Variants in C10orf143 observed in about 807,000 individuals in gnomAD.
C10orf143 encodes the protein chromosome 10 open reading frame 143.
intron 3 of C10orf143, among the ~76,000 whole-genome samples, chr10:130,070,355 C>T (rs1185623047): frequency 6.6e-5 from 10 of 152,164 alleles, no homozygotes; most frequent in South Asian, 2.1e-4. Flanking sequence ...TCCACATGCA[C>T]GTCACAGTGC....
intron 3 of C10orf143, among the ~76,000 whole-genome samples, chr10:130,047,502 C>T (rs946716507): frequency 4.6e-5 from 7 of 152,284 alleles, no homozygotes; most frequent in African/African-American, 1.7e-4. Flanking sequence ...CCTGATGATG[C>T]CCACAGCTCT....
At chr10:130,081,193 C>T (rs577544641) in intron 1 of C10orf143, among the ~76,000 whole-genome samples, 1 of 151,798 alleles carries the variant, frequency 6.6e-6, no homozygotes, top group African/African-American at 2.4e-5. Flanking sequence ...GAGCAGATCA[C>T]ATAGAACATA....
At chr10:130,063,270 A>G (rs538206147), downstream of C10orf143, among the ~76,000 whole-genome samples, 1 of 152,356 alleles carries the variant, frequency 6.6e-6, no homozygotes, top group African/African-American at 2.4e-5. Flanking sequence ...ACAAAAAAGA[A>G]CATGCTGTCC....
downstream of C10orf143, among the ~76,000 whole-genome samples, chr10:130,060,739 T>C (rs1235189310): frequency 1.4e-5 from 2 of 138,796 alleles, no homozygotes; most frequent in Non-Finnish European, 3.0e-5. Context: ...AGGAGAATGG[T>C]GTGAACCTGG....
At chr10:130,108,458 T>A in intron 1 of C10orf143, 1 of 785,852 alleles carries the variant, frequency 1.3e-6, no homozygotes, top group Non-Finnish European at 2.3e-6. Context: ...TACCTGGCAA[T>A]ATTTTTGCTC....
chr10:130,047,048 G>T (rs116664895), intron 3 of C10orf143, among the ~76,000 whole-genome samples: 73 of 152,380 alleles, frequency 4.8e-4, no homozygotes, highest in African/African-American at 1.7e-3. Context: ...TGGAAGAGAT[G>T]TGTCTCGCAT....
At position 130,055,573 on chromosome 10, in the gene C10orf143, A is replaced by G. The variant is rs542406785; in HGVS notation, c.298-19603T>C. 5.3e-5 allele frequency among the ~76,000 whole-genome samples: 8 copies of G among 152,332 alleles called. No homozygotes were observed. The South Asian group carries it at 1.7e-3, about 32-fold the overall frequency. On this transcript the variant is annotated intron_variant and NMD_transcript_variant, in intron 3 of 5. Coordinates refer to the C10orf143 transcript ENST00000643056. ...CTTCCACTGATTTAAACTCATTTTTAAAAAGTTTGTCAAGAATGTTTGAAA... is the reference window on the plus strand; with the variant it reads ...CTTCCACTGATTTAAACTCATTTTTGAAAAGTTTGTCAAGAATGTTTGAAA...
At chr10:130,106,276 G>A (rs1861645475) in intron 1 of C10orf143, 5 of 1,569,368 alleles carry the variant, frequency 3.2e-6, no homozygotes, top group Non-Finnish European at 4.4e-6. Context: ...GAGAGAAAAA[G>A]CTTGCTATAA....
At chr10:130,045,269 C>T (rs1860653634) in intron 3 of C10orf143, among the ~76,000 whole-genome samples, 1 of 152,262 alleles carries the variant, frequency 6.6e-6, no homozygotes. Context: ...GCATTGCGCC[C>T]TCTGCCTGCA....
chr10:130,042,996 C>A (rs915464210), intron 3 of C10orf143, among the ~76,000 whole-genome samples: 3 of 152,206 alleles, frequency 2.0e-5, no homozygotes, highest in Non-Finnish European at 4.4e-5. Context: ...GGAAAAAACT[C>A]GGAGACAGTG....
At chr10:130,041,301 C>T (rs140216049) in intron 3 of C10orf143, among the ~76,000 whole-genome samples, 2 of 152,192 alleles carry the variant, frequency 1.3e-5, no homozygotes, top group East Asian at 3.9e-4. Flanking sequence ...TGAGTCCCCT[C>T]CGAAGGTCAG....
At chr10:130,107,916 G>T in intron 1 of C10orf143, 1 of 1,370,072 alleles carries the variant, frequency 7.3e-7, no homozygotes, top group Non-Finnish European at 1.0e-6. Context: ...AGGCAAGACA[G>T]ATTTTATTCT....
At chr10:130,088,342 C>T (rs1292767618) in intron 1 of C10orf143, among the ~76,000 whole-genome samples, 1 of 152,128 alleles carries the variant, frequency 6.6e-6, no homozygotes, top group Admixed American at 6.5e-5. Flanking sequence ...CAGGATCGCG[C>T]CATTGCACTC....
chr10:130,070,518 G>C (rs1306772476), intron 3 of C10orf143, among the ~76,000 whole-genome samples: 2 of 152,122 alleles, frequency 1.3e-5, no homozygotes, highest in Admixed American at 1.3e-4. Flanking sequence ...ATGTCCTCCA[G>C]TGTCATGATG....
chr10:130,058,627 GA>G (rs1200946031), intron 3 of C10orf143, among the ~76,000 whole-genome samples: 1 of 145,316 alleles, frequency 6.9e-6, no homozygotes, highest in Non-Finnish European at 1.5e-5. Context: ...GTTACACATA[GA>G]AACAGTAATT....
At chr10:130,074,197 G>T (rs997198996) in intron 3 of C10orf143, among the ~76,000 whole-genome samples, 1 of 152,172 alleles carries the variant, frequency 6.6e-6, no homozygotes, top group Non-Finnish European at 1.5e-5. Flanking sequence ...GAGTGCTCAG[G>T]CCCCTGCCTC....
intron 1 of C10orf143, among the ~76,000 whole-genome samples, chr10:130,091,758 T>G (rs1468722853): frequency 6.6e-6 from 1 of 152,042 alleles, no homozygotes; most frequent in Non-Finnish European, 1.5e-5. Flanking sequence ...GCACGAGAAC[T>G]TCATGAAGCA....
chr10:130,071,458 C>T (rs985639531), intron 3 of C10orf143, among the ~76,000 whole-genome samples: 1 of 152,220 alleles, frequency 6.6e-6, no homozygotes, highest in African/African-American at 2.4e-5. Flanking sequence ...CTTCTCTGAA[C>T]TGCCAGGTCA....
At chr10:130,062,508 T>C (rs1175974807), downstream of C10orf143, among the ~76,000 whole-genome samples, 1 of 152,184 alleles carries the variant, frequency 6.6e-6, no homozygotes, top group Non-Finnish European at 1.5e-5. Context: ...GCTGGATGCT[T>C]CCTGCCCTTG....
Sources: allele counts gnomAD v4.1 joint callset (sites outside exome capture counted in the v4.1 genomes callset), GRCh38; gene constraint gnomAD v4.1.1; transcripts MANE v1.5; gene names NCBI Gene and HGNC (gene_info 2026-07-23, HGNC 2026-07-21).